Variants in TOPAZ1 observed in about 807,000 individuals in gnomAD.
TOPAZ1 encodes testis and ovary specific TOPAZ 1.
A neutral mutation model predicts 172.2 loss-of-function variants in TOPAZ1; 66 were observed. That is an observed-to-expected ratio of 0.38 (90% CI 0.31 to 0.47). TOPAZ1 has a LOEUF of 0.47. TOPAZ1 is among the 20% of genes least tolerant of loss of function. The pLI, the probability that TOPAZ1 is intolerant of heterozygous loss-of-function variation, is 0.99. For missense variants in TOPAZ1, 1,822 were observed against 1,972.4 expected (o/e 0.92, Z 1.44); for synonymous variants, 681 against 683.9 (o/e 1.00, Z 0.07).
Position 44,243,168 on chromosome 3 carries a change from A to G in TOPAZ1, c.662A>G (p.Asn221Ser). The change falls in exon 2 of 20, where the codon AAT (asparagine) becomes AGT (serine). Residue 221 changes from asparagine (N) to serine (S), a missense_variant. Physicochemically the swap from Asn to Ser is conservative, Grantham distance 46 (BLOSUM62 1). Coordinates refer to ENST00000309765, the MANE Select transcript of TOPAZ1 (RefSeq NM_001145030.2). Reference protein sequence around the residue: ...CNILSPEVENNSVLKLRDCNC... With the variant: ...CNILSPEVENSSVLKLRDCNC... ...ATCTTGTCACCTGAAGTAGAAAATA[A>G]TTCCGTTTTAAAATTACGTGATTGC... The G allele has an allele frequency of 1.3e-6, 2 of 1,549,770 alleles. No homozygotes were observed. The highest frequency in any genetic ancestry group is 1.7e-6 in the Non-Finnish European group (2 of 1,146,200).
chr3:44,306,534 A>C, intron 15 of TOPAZ1, 108 bp downstream of exon 15: 1 of 585,512 alleles, frequency 1.7e-6, no homozygotes, highest in East Asian at 2.8e-5. Flanking sequence ...AATAATCATT[A>C]CAATTGATAA....
intron 4 of TOPAZ1, 83 bp from the exon 5 acceptor site, chr3:44,262,336 A>G: frequency 1.7e-6 from 1 of 586,892 alleles, no homozygotes; most frequent in South Asian, 3.5e-5. Flanking sequence ...CTAATACATT[A>G]TAATAAATCC....
In TOPAZ1 at chr3:44,244,280, G is replaced by A. The variant is rs1487545249; in HGVS notation, c.1774G>A (p.Asp592Asn). The A allele has an allele frequency of 3.2e-6, 5 of 1,550,394 alleles. No homozygotes were observed. The highest frequency in any genetic ancestry group is 4.4e-6 in the Non-Finnish European group (5 of 1,146,666). Residue 592 changes from aspartate to asparagine, a missense_variant, in exon 2 of 20, where the codon GAT (aspartate) becomes AAT (asparagine). Asp to Asn is a conservative substitution (Grantham distance 23). Transcript: ENST00000309765. Reference protein sequence around the residue: ...LMVIKEPIIKDDKKIKSEELS... With the variant: ...LMVIKEPIIKNDKKIKSEELS... ...GGTTATAAAGGAACCTATAATCAAG[G>A]ATGATAAAAAGATAAAATCAGAGGA...
chr3:44,285,791 G>A (rs1241626241), intron 9 of TOPAZ1, among the ~76,000 whole-genome samples: 2 of 151,560 alleles, frequency 1.3e-5, no homozygotes, highest in Admixed American at 1.3e-4. Flanking sequence ...GGCTGGTCTC[G>A]AACTCTTGAC....
rs1274095704 is a variant in TOPAZ1 at position 44,242,416 on chromosome 3, G to C, written c.346+17G>C. The stretch of plus-strand genomic sequence containing the variant: ...AAAGACACAGTAAGAAAGCATCCAC[G>C]ATCACTTACCTTTAGCCCTTGTACC... On this transcript the variant is annotated intron_variant, in intron 1 of 19. Transcript: ENST00000309765. 2.6e-6 allele frequency: 4 copies of C among 1,551,588 alleles called. No homozygotes were observed. The South Asian group carries it at 4.8e-5, about 18-fold the overall frequency.
At chr3:44,299,260 A>T (rs1700241148) in intron 12 of TOPAZ1, among the ~76,000 whole-genome samples, 1 of 152,042 alleles carries the variant, frequency 6.6e-6, no homozygotes, top group Non-Finnish European at 1.5e-5. Flanking sequence ...AATAGTAAAC[A>T]AACAAATGAT....
Position 44,247,710 on chromosome 3 carries a change from G to A in TOPAZ1, c.2765+2439G>A, listed in dbSNP as rs541927118. Among the ~76,000 whole-genome samples the A allele has an allele frequency of 7.2e-5, 11 of 152,040 alleles. No homozygotes were observed. The East Asian group carries it at 1.6e-3, about 21-fold the overall frequency. On this transcript the variant is annotated intron_variant, in intron 2 of 19. Transcript: ENST00000309765. ...CTGTCACCCAGGCTGGAGTGCAGTG[G>A]CGGATCTCGGCTCACTGCAACCTAT...
At chr3:44,268,627 C>T (rs896775054) in intron 6 of TOPAZ1, among the ~76,000 whole-genome samples, 2 of 151,992 alleles carry the variant, frequency 1.3e-5, no homozygotes, top group Non-Finnish European at 2.9e-5. Context: ...AGGCAATCTG[C>T]CCACGTGGGC....
chr3:44,262,767 T>C (rs1296996219), intron 5 of TOPAZ1, among the ~76,000 whole-genome samples: 1 of 152,252 alleles, frequency 6.6e-6, no homozygotes. Context: ...TTTATGAAGA[T>C]ATGAGTGGCT....
Position 44,267,801 on chromosome 3 carries a change from A to G in TOPAZ1, c.3160+665A>G, listed in dbSNP as rs573903947. Among the ~76,000 whole-genome samples the G allele has an allele frequency of 4.1e-3, 618 of 152,292 alleles. 8 individuals are homozygous for G. The highest frequency in any genetic ancestry group is 0.014 in the African/African-American group (590 of 41,568). On this transcript the variant is annotated intron_variant, in intron 6 of 19. Transcript: ENST00000309765. The stretch of plus-strand genomic sequence containing the variant: ...ATGAATTTAGAATCTGTAAAATCAC[A>G]TTGTATAGCACACACCTAACTTTTC...
intron 2 of TOPAZ1, among the ~76,000 whole-genome samples, chr3:44,252,231 TCTCTATTGA>T (rs962692203): frequency 2.0e-5 from 3 of 152,212 alleles, no homozygotes; most frequent in African/African-American, 7.2e-5. Flanking sequence ...ATCCCTCAGT[TCTCTATTGA>T]GTCACTTAGT....
intron 8 of TOPAZ1, among the ~76,000 whole-genome samples, chr3:44,276,602 G>C (rs1433822311): frequency 2.0e-5 from 2 of 97,980 alleles, no homozygotes; most frequent in African/African-American, 4.1e-5. Context: ...AAGTGAGGTA[G>C]TTTAATGCCT....
intron 2 of TOPAZ1, among the ~76,000 whole-genome samples, chr3:44,245,882 GT>G (rs752766089): frequency 1.3e-5 from 2 of 152,136 alleles, no homozygotes; most frequent in Non-Finnish European, 2.9e-5. Context: ...TCTTTCAAAA[GT>G]TAAGTTTATT....
intron 12 of TOPAZ1, among the ~76,000 whole-genome samples, chr3:44,301,780 A>T (rs1227414949): frequency 6.6e-6 from 1 of 152,040 alleles, no homozygotes; most frequent in Non-Finnish European, 1.5e-5. Context: ...ATATTAGTAT[A>T]TATTGCAATT....
At chr3:44,285,345 A>G (rs1366804616) in intron 9 of TOPAZ1, among the ~76,000 whole-genome samples, 2 of 152,054 alleles carry the variant, frequency 1.3e-5, no homozygotes, top group Non-Finnish European at 2.9e-5. Flanking sequence ...GCACACCTAT[A>G]GTCCCAACTG....
intron 2 of TOPAZ1, among the ~76,000 whole-genome samples, chr3:44,246,887 C>T (rs1202885076): frequency 6.6e-6 from 1 of 152,142 alleles, no homozygotes; most frequent in African/African-American, 2.4e-5. Context: ...ACCATACTTC[C>T]TTGGAGGAAT....
Position 44,245,182 on chromosome 3 carries a change from C to T in TOPAZ1, c.2676C>T (p.Ser892=), listed in dbSNP as rs1413876603. ...TTACTTCTGAGGTCCCAAAGATAAG[C>T]CAGGAGCCCAATGTTGCTGGAGAGC... The part of the protein sequence containing the change: ...LSFTSEVPKI[S]QEPNVAGEHQ... The change falls in exon 2 of 20, where the codon AGC becomes AGT. Residue 892 remains serine, a synonymous_variant. Transcript: ENST00000309765. The T allele has an allele frequency of 1.3e-6, 2 of 1,551,710 alleles. No individual in the cohort carries two copies. The highest frequency in any genetic ancestry group is 2.7e-5 in the African/African-American group (2 of 73,032).
chr3:44,305,590 G>A (rs978752008), intron 14 of TOPAZ1, among the ~76,000 whole-genome samples: 1 of 151,640 alleles, frequency 6.6e-6, no homozygotes, highest in African/African-American at 2.4e-5. Context: ...GGCTAGTCTC[G>A]AACTCTTGTG....
At chr3:44,288,084 G>T (rs763186264) in intron 11 of TOPAZ1, among the ~76,000 whole-genome samples, 1 of 151,894 alleles carries the variant, frequency 6.6e-6, no homozygotes, top group Admixed American at 6.6e-5. Context: ...AATTGTCTTC[G>T]TCTCTACTCC....
Sources: gnomAD v4.1 joint callset for allele counts (sites outside exome capture counted in the v4.1 genomes callset) on GRCh38, gnomAD v4.1.1 for gene constraint, MANE v1.5 for transcripts, NCBI Gene and HGNC (gene_info 2026-07-23, HGNC 2026-07-21) for gene names.